LRRC56: variants seen among roughly 807,000 people sequenced by gnomAD.
LRRC56 encodes the protein leucine-rich repeat-containing protein 56.
In LRRC56, 41 loss-of-function variants were observed where a neutral mutation model predicts 47.8. The observed-to-expected ratio is 0.86, with a 90% confidence interval of 0.67 to 1.11. The LOEUF (loss-of-function observed/expected upper bound fraction) is 1.11, where lower values mean the gene tolerates loss of function less well. LRRC56 is among the 50% of genes most tolerant of loss of function. LRRC56 has a pLI of 0.00. For synonymous variants in LRRC56, 387 were observed against 311.2 expected (o/e 1.24, Z -2.56); for missense variants, 759 against 704.2 (o/e 1.08, Z -0.88).
intron 13 of LRRC56, 63 bp downstream of exon 13, chr11:552,765 G>T: frequency 6.9e-7 from 1 of 1,439,042 alleles, no homozygotes; most frequent in Admixed American, 2.1e-5. Context: ...CTTCTATAGG[G>T]GGGCCCTTAC....
chr11:542,353 G>A (rs1165081438), intron 5 of LRRC56, among the ~76,000 whole-genome samples: 2 of 152,154 alleles, frequency 1.3e-5, no homozygotes, highest in South Asian at 2.1e-4. Context: ...GGCCACGCCT[G>A]TAATCCCAGC....
the LRRC56 span, among the ~76,000 whole-genome samples, chr11:514,180 G>A: frequency 4.0e-5 from 6 of 151,550 alleles, no homozygotes; most frequent in Non-Finnish European, 7.4e-5. Context: ...TTTTAGTAGA[G>A]ACGGGGTTTC....
upstream of LRRC56, chr11:534,334 G>T: frequency 1.2e-6 from 2 of 1,606,398 alleles, no homozygotes; most frequent in South Asian, 1.1e-5. Flanking sequence ...GCTCCTCAGG[G>T]GCCTGCGGCC....
At chr11:551,540 G>T in intron 9 of LRRC56, 111 bp from the exon 10 acceptor site, 1 of 1,195,216 alleles carries the variant, frequency 8.4e-7, no homozygotes. Context: ...AGCGTGAGAG[G>T]CCAGCCTCAG....
chr11:535,509 T>A (rs972773673), upstream of LRRC56: 5 of 147,456 alleles, frequency 3.4e-5, no homozygotes, highest in Non-Finnish European at 7.6e-5. Flanking sequence ...GCGCATGGGC[T>A]CCGTCCGCGG....
intron 4 of LRRC56, 121 bp downstream of exon 4, chr11:540,982 T>A: frequency 1.1e-6 from 1 of 887,926 alleles, no homozygotes. Context: ...TGCCTGCTGA[T>A]GGTTGGCCTC....
At chr11:532,583 C>G, upstream of LRRC56, 2 of 1,582,202 alleles carry the variant, frequency 1.3e-6, no homozygotes, top group Non-Finnish European at 1.7e-6. Flanking sequence ...GGGCGGGGAG[C>G]CGGGGTCATC....
the LRRC56 span, among the ~76,000 whole-genome samples, chr11:507,670 C>A: frequency 0.22 from 33,101 of 152,188 alleles, 3,794 homozygotes; most frequent in Middle Eastern, 0.3. Flanking sequence ...CGCCTCGGGA[C>A]AGGAGGGACC....
upstream of LRRC56, chr11:534,040 C>T (rs944477688): frequency 1.5e-6 from 2 of 1,375,140 alleles, no homozygotes; most frequent in South Asian, 1.2e-5. Flanking sequence ...GCCCCTCATG[C>T]CCCCTCCTCT....
At chr11:533,877 C>T (rs730880460), upstream of LRRC56, 1 of 1,613,294 alleles carries the variant, frequency 6.2e-7, no homozygotes, top group Non-Finnish European at 8.5e-7. Flanking sequence ...CTCCTCCTGG[C>T]CGGCGGTATC....
chr11:528,082 C>T, the LRRC56 span, among the ~76,000 whole-genome samples: 3 of 151,858 alleles, frequency 2.0e-5, no homozygotes, highest in Non-Finnish European at 2.9e-5. Context: ...GTGATCCACC[C>T]GCCTCAGCCT....
In LRRC56 at chr11:550,080, C is replaced by T. The variant is rs140852130; in HGVS notation, c.432C>T (p.Tyr144=). The T allele has an allele frequency of 3.8e-4, 605 of 1,612,126 alleles. 3 individuals are homozygous for T. In the African/African-American group the frequency reaches 7.2e-3, roughly 19 times the overall value. The change falls in exon 8 of 14, where the codon TAC becomes TAT. Residue 144 remains tyrosine, a synonymous_variant. Transcript: ENST00000270115. ...AGCCCCGCGCTGCCCAGGAACTCTA[C>T]GCCTCCTACAACAACATCTCGGACC... ...IASLPALKEL[Y]ASYNNISDLS... is the part of the protein sequence containing the mutation.
At chr11:545,165 A>C (rs1457812607) in intron 6 of LRRC56, among the ~76,000 whole-genome samples, 2 of 151,976 alleles carry the variant, frequency 1.3e-5, no homozygotes, top group African/African-American at 4.8e-5. Flanking sequence ...AATGGGTGGG[A>C]GCCCCTGCTG....
At chr11:536,625 G>C (rs1851506512), upstream of LRRC56, among the ~76,000 whole-genome samples, 1 of 152,136 alleles carries the variant, frequency 6.6e-6, no homozygotes, top group Non-Finnish European at 1.5e-5. Flanking sequence ...CAAAAAATTA[G>C]TCGGCTGCAG....
the LRRC56 span, among the ~76,000 whole-genome samples, chr11:531,909 G>T: frequency 6.6e-6 from 1 of 152,198 alleles, no homozygotes; most frequent in African/African-American, 2.4e-5. Context: ...CCGCCAAGAA[G>T]GCTCCCAGCA....
the LRRC56 span, among the ~76,000 whole-genome samples, chr11:521,386 G>A: frequency 1.8e-3 from 273 of 152,268 alleles, no homozygotes; most frequent in Non-Finnish European, 3.1e-3. Context: ...ACAGGTCACT[G>A]CAGTCTGAAC....
At chr11:545,456 C>T (rs76330311) in intron 6 of LRRC56, among the ~76,000 whole-genome samples, 1,759 of 152,208 alleles carry the variant, frequency 0.012, 38 homozygotes, top group African/African-American at 0.04. Flanking sequence ...CCAGACCAGA[C>T]GGCAGCCCCT....
In LRRC56 at chr11:541,648, T is replaced by TGGCCAC. The variant is rs761288983; in HGVS notation, c.265+38_265+43dup. 6.9e-5 allele frequency: 101 copies of TGGCCAC among 1,474,322 alleles called. No individual in the cohort carries two copies. The highest frequency in any genetic ancestry group is 1.1e-4 in the South Asian group (9 of 79,532). 91.3% of individuals were successfully genotyped at this position (1,474,322 alleles called of 1,614,324 possible). ...TGGTGAGCCTCTTCCCACCCCGCCATGGCCACGGCCACGGCCACGCCTCCC... is the reference window on the plus strand; with the variant it reads ...TGGTGAGCCTCTTCCCACCCCGCCATGGCCACGGCCACGGCCACGGCCACGCCTCCC... On this transcript the variant is annotated intron_variant, in intron 5 of 13. Transcript: ENST00000270115. This position sits in a 1 kb window ranked among gnomAD's most constrained non-coding sequence, Gnocchi z 4.1.
chr11:546,567 CAA>C (rs34365475), intron 6 of LRRC56, among the ~76,000 whole-genome samples: 15 of 138,446 alleles, frequency 1.1e-4, no homozygotes, highest in East Asian at 4.3e-4. Context: ...GACTTCGTCT[CAA>C]AAAAAAAAAA....
Sources: gnomAD v4.1 joint callset for allele counts (sites outside exome capture counted in the v4.1 genomes callset) on GRCh38, gnomAD v4.1.1 for gene constraint, Gnocchi (gnomAD v3.1) non-coding constraint, MANE v1.5 for transcripts, NCBI Gene and HGNC (gene_info 2026-07-23, HGNC 2026-07-21) for gene names.